Variants in DHRSX observed in about 807,000 individuals in gnomAD.
DHRSX encodes dehydrogenase/reductase X-linked.
In DHRSX, 31 loss-of-function variants were observed where a neutral mutation model predicts 34.0. The ratio of observed to expected loss-of-function variants is 0.91; its 90% confidence interval spans 0.69 to 1.23. The LOEUF (loss-of-function observed/expected upper bound fraction) is 1.23. Among genes scored for constraint, DHRSX ranks in the 50% most tolerant of loss-of-function variants. DHRSX has a pLI of 0.00. For synonymous variants in DHRSX, 201 were observed against 183.8 expected (o/e 1.09, Z -0.76); for missense variants, 414 against 428.1 (o/e 0.97, Z 0.29).
Position 2,345,588 on chromosome X carries a change from A to G in DHRSX, c.287-53985T>C, listed in dbSNP as rs771453050. 1.2e-3 allele frequency among the ~76,000 whole-genome samples: 180 copies of G among 150,902 alleles called. 4 individuals are homozygous for G. The highest frequency in any genetic ancestry group is 3.8e-3 in the South Asian group (18 of 4,758). The stretch of plus-strand genomic sequence containing the variant: ...CTCAAACCTGGGAGATAGAAGTTGC[A>G]TTGAGCCAAGATCGCACCGAGATCG... On this transcript the variant is annotated intron_variant, in intron 3 of 6. Coordinates refer to ENST00000334651, the MANE Select transcript of DHRSX (RefSeq NM_145177.3).
At chrX:2,258,526 A>G (rs1438739953) in intron 5 of DHRSX, among the ~76,000 whole-genome samples, 4 of 152,162 alleles carry the variant, frequency 2.6e-5, no homozygotes, top group Admixed American at 2.6e-4. Context: ...TGATCCTGTG[A>G]GGACACAGGG....
At chrX:2,309,916 G>C (rs979859700) in intron 3 of DHRSX, among the ~76,000 whole-genome samples, 7 of 152,070 alleles carry the variant, frequency 4.6e-5, no homozygotes, top group African/African-American at 1.7e-4. Context: ...GCAAGACCCT[G>C]TCTCAAAATA....
chrX:2,358,914 A>C (rs1276090925), intron 3 of DHRSX, among the ~76,000 whole-genome samples: 6 of 147,356 alleles, frequency 4.1e-5, no homozygotes. Context: ...GCGCCACCGC[A>C]CTCCAGCCTG....
At chrX:2,248,259 C>T (rs988960155) in intron 5 of DHRSX, among the ~76,000 whole-genome samples, 3 of 151,882 alleles carry the variant, frequency 2.0e-5, no homozygotes, top group Admixed American at 6.6e-5. Context: ...CGGTGAAACC[C>T]GGTCTCTACT....
chrX:2,425,983 T>C (rs775147060), intron 1 of DHRSX, among the ~76,000 whole-genome samples: 132 of 152,136 alleles, frequency 8.7e-4, no homozygotes, highest in African/African-American at 3.1e-3. Flanking sequence ...GTACCTGGCT[T>C]TGGGGTGGTT....
chrX:2,265,454 G>A (rs2041440666), intron 5 of DHRSX, among the ~76,000 whole-genome samples: 1 of 128,542 alleles, frequency 7.8e-6, no homozygotes, highest in Non-Finnish European at 1.7e-5. Context: ...CAGACGCAGG[G>A]AGCACTGTCC....
chrX:2,395,155 C>T (rs2043393998), intron 3 of DHRSX, among the ~76,000 whole-genome samples: 1 of 152,144 alleles, frequency 6.6e-6, no homozygotes, highest in Admixed American at 6.5e-5. Flanking sequence ...CTGATTCCTC[C>T]AAGACCTGTG....
intron 3 of DHRSX, among the ~76,000 whole-genome samples, chrX:2,364,082 G>A (rs569639984): frequency 1.3e-5 from 2 of 152,208 alleles, no homozygotes; most frequent in East Asian, 1.9e-4. Flanking sequence ...CTCAAGATGC[G>A]AGGCTGGGAG....
At chrX:2,268,428 G>A (rs1192348390) in intron 4 of DHRSX, among the ~76,000 whole-genome samples, 20 of 152,160 alleles carry the variant, frequency 1.3e-4, no homozygotes, top group Admixed American at 2.6e-4. Context: ...ATACAGGCAC[G>A]TCTATTCATA....
intron 5 of DHRSX, among the ~76,000 whole-genome samples, chrX:2,261,179 C>T (rs2041358673): frequency 2.6e-5 from 4 of 152,158 alleles, no homozygotes; most frequent in South Asian, 4.2e-4. Flanking sequence ...CACTGCACTC[C>T]AGCCTGGGCA....
intron 3 of DHRSX, among the ~76,000 whole-genome samples, chrX:2,341,155 G>A (rs1439391214): frequency 6.6e-6 from 1 of 151,994 alleles, no homozygotes; most frequent in African/African-American, 2.4e-5. Flanking sequence ...CACACAGCAG[G>A]AAGCCATAAT....
chrX:2,389,122 C>T (rs1237865293), intron 3 of DHRSX, among the ~76,000 whole-genome samples: 1 of 152,186 alleles, frequency 6.6e-6, no homozygotes, highest in Non-Finnish European at 1.5e-5. Flanking sequence ...GCATTAGAAG[C>T]GCCGCAGGTG....
chrX:2,433,539 T>G (rs1031756317), intron 1 of DHRSX, among the ~76,000 whole-genome samples: 1 of 152,146 alleles, frequency 6.6e-6, no homozygotes, highest in African/African-American at 2.4e-5. Flanking sequence ...TTTGTCCTAA[T>G]GCGCTCCCTC....
intron 1 of DHRSX, among the ~76,000 whole-genome samples, chrX:2,455,785 C>T (rs1378172560): frequency 1.3e-5 from 2 of 149,324 alleles, no homozygotes; most frequent in Non-Finnish European, 3.0e-5. Flanking sequence ...ACACAAAACA[C>T]TGCATGCTTC....
intron 3 of DHRSX, among the ~76,000 whole-genome samples, chrX:2,378,675 T>A (rs1468727834): frequency 6.6e-6 from 1 of 152,038 alleles, no homozygotes; most frequent in Non-Finnish European, 1.5e-5. Context: ...TTCTCTTGAT[T>A]AATTTTTTTT....
intron 1 of DHRSX, among the ~76,000 whole-genome samples, chrX:2,478,947 A>C (rs892019028): frequency 6.6e-6 from 1 of 151,788 alleles, no homozygotes; most frequent in African/African-American, 2.4e-5. Context: ...TTCCCTAAGA[A>C]TGCAGCCAAG....
intron 3 of DHRSX, among the ~76,000 whole-genome samples, chrX:2,313,004 A>ATT (rs1166291054): frequency 2.1e-4 from 22 of 105,238 alleles, no homozygotes; most frequent in African/African-American, 8.3e-4. Flanking sequence ...TTCAAGATAT[A>ATT]TATTTTTTTT....
intron 1 of DHRSX, among the ~76,000 whole-genome samples, chrX:2,446,094 G>C (rs6642184): frequency 0.35 from 52,556 of 151,008 alleles, 10,386 homozygotes; most frequent in African/African-American, 0.53. Flanking sequence ...TGTTCCCGAA[G>C]AACGTGGCAA....
chrX:2,447,065 G>A (rs962272465), intron 1 of DHRSX, among the ~76,000 whole-genome samples: 8 of 151,496 alleles, frequency 5.3e-5, no homozygotes, highest in African/African-American at 1.7e-4. Flanking sequence ...CCCTAAGCAT[G>A]TGGCTAAGGG....
Sources: gnomAD v4.1 joint callset for allele counts (sites outside exome capture counted in the v4.1 genomes callset) on GRCh38, gnomAD v4.1.1 for gene constraint, MANE v1.5 for transcripts, NCBI Gene and HGNC (gene_info 2026-07-23, HGNC 2026-07-21) for gene names.